Variants in AK9 observed in about 807,000 individuals in gnomAD.
The protein encoded by AK9 is adenylate kinase domain containing 1.
AK9 carries 191 observed loss-of-function variants against 239.6 expected under a neutral mutation model. The ratio of observed to expected loss-of-function variants is 0.80; its 90% CI spans 0.71 to 0.90. The LOEUF is 0.90. Ranked by LOEUF, AK9 falls within the 40% of genes least tolerant of loss-of-function variation. The pLI is 0.00. For synonymous variants in AK9, 689 were observed against 721.0 expected (o/e 0.96, Z 0.71); for missense variants, 1,995 against 2,214.7 (o/e 0.90, Z 1.99).
intron 8 of AK9, among the ~76,000 whole-genome samples, chr6:109,647,403 GA>G (rs1373467305): frequency 6.6e-6 from 1 of 152,072 alleles, no homozygotes; most frequent in Non-Finnish European, 1.5e-5. Context: ...GATCTACCAA[GA>G]AAATGGAAAA....
chr6:109,604,395 A>G (rs1461981233), intron 17 of AK9, among the ~76,000 whole-genome samples: 6 of 152,210 alleles, frequency 3.9e-5, no homozygotes, highest in Admixed American at 3.9e-4. Context: ...TATTTAATAT[A>G]TATGGAATTT....
chr6:109,608,582 T>C (rs1470322586), intron 17 of AK9, among the ~76,000 whole-genome samples: 4 of 152,184 alleles, frequency 2.6e-5, no homozygotes, highest in Non-Finnish European at 5.9e-5. Context: ...TAGTTTCAAA[T>C]GGACCTTAGA....
At chr6:109,672,888 T>G (rs182895975) in intron 3 of AK9, among the ~76,000 whole-genome samples, 1 of 152,276 alleles carries the variant, frequency 6.6e-6, no homozygotes, top group Admixed American at 6.5e-5. Flanking sequence ...TTCATAACCA[T>G]ACAATTACAT....
intron 17 of AK9, among the ~76,000 whole-genome samples, chr6:109,608,897 T>C (rs1793249816): frequency 6.6e-6 from 1 of 152,118 alleles, no homozygotes; most frequent in South Asian, 2.1e-4. Context: ...CAAAACAACA[T>C]GGGCATATGA....
At chr6:109,565,198 C>G (rs1208703525) in intron 21 of AK9, among the ~76,000 whole-genome samples, 1 of 152,122 alleles carries the variant, frequency 6.6e-6, no homozygotes, top group Non-Finnish European at 1.5e-5. Context: ...ACCCATGAAG[C>G]CAGGCATAGT....
At chr6:109,546,311 A>G (rs1450352280) in intron 25 of AK9, among the ~76,000 whole-genome samples, 184 bp from the exon 26 acceptor site, 1 of 152,234 alleles carries the variant, frequency 6.6e-6, no homozygotes, top group East Asian at 1.9e-4. Context: ...TAGTTCCATC[A>G]ACACTGGTCC....
chr6:109,685,860 T>C (rs773306259), intron 1 of AK9, among the ~76,000 whole-genome samples: 1 of 152,226 alleles, frequency 6.6e-6, no homozygotes, highest in Non-Finnish European at 1.5e-5. Flanking sequence ...TTAAAAGATG[T>C]ACAATCCTGC....
At chr6:109,603,033 C>G (rs879485090) in intron 17 of AK9, among the ~76,000 whole-genome samples, 10 of 152,148 alleles carry the variant, frequency 6.6e-5, no homozygotes, top group Non-Finnish European at 1.3e-4. Flanking sequence ...TCCTTTAGCT[C>G]AGAGAAGTTT....
chr6:109,598,409 T>C (rs1477205476), intron 17 of AK9, among the ~76,000 whole-genome samples: 1 of 152,236 alleles, frequency 6.6e-6, no homozygotes, highest in East Asian at 1.9e-4. Flanking sequence ...GAACTCATCA[T>C]TTTTTATGGC....
At chr6:109,559,784 C>A (rs1306425753) in intron 24 of AK9, among the ~76,000 whole-genome samples, 5 of 151,964 alleles carry the variant, frequency 3.3e-5, no homozygotes, top group African/African-American at 1.2e-4. Flanking sequence ...AACAAATTAC[C>A]ACAAATATAG....
intron 30 of AK9, 29 bp from the exon 31 acceptor site, chr6:109,516,104 T>C (rs936020196): frequency 1.2e-5 from 18 of 1,508,610 alleles, no homozygotes; most frequent in Admixed American, 9.9e-5. Context: ...AAAACAAATA[T>C]ATTTAGTGAG....
Position 109,495,366 on chromosome 6 carries a change from C to A in AK9, c.5390G>T (p.Ser1797Ile), listed in dbSNP as rs1776927797. Residue 1797 changes from serine (S) to isoleucine (I), a missense_variant, in exon 39 of 41, where the codon AGT (serine) becomes ATT (isoleucine). Coordinates refer to ENST00000424296, the MANE Select transcript of AK9 (RefSeq NM_001145128.3). ...PPLREPILLTSLPLPGYLEQG... is the reference protein window; with the variant it reads ...PPLREPILLTILPLPGYLEQG... ...TTCCAGATATCCAGGCAAAGGAAGACTAGTAAGAAGTATCGGTTCCCTTAA... is the reference window on the plus strand; with the variant it reads ...TTCCAGATATCCAGGCAAAGGAAGAATAGTAAGAAGTATCGGTTCCCTTAA... The A allele has an allele frequency of 6.2e-7, 1 of 1,613,512 alleles. No homozygotes were observed. The highest frequency in any genetic ancestry group is 8.5e-7 in the Non-Finnish European group (1 of 1,179,782).
chr6:109,587,421 T>C (rs532190984), intron 17 of AK9, among the ~76,000 whole-genome samples: 4 of 152,192 alleles, frequency 2.6e-5, no homozygotes, highest in African/African-American at 4.8e-5. Flanking sequence ...CATTGATATA[T>C]TGCACTGTGG....
At chr6:109,514,463 G>C in intron 31 of AK9, 26 bp from the exon 32 acceptor site, 1 of 1,486,272 alleles carries the variant, frequency 6.7e-7, no homozygotes. Flanking sequence ...AGTTGAATTT[G>C]AAAGTTAGTT....
intron 1 of AK9, among the ~76,000 whole-genome samples, chr6:109,682,336 A>G (rs1484305524): frequency 6.6e-6 from 1 of 150,514 alleles, no homozygotes; most frequent in Non-Finnish European, 1.5e-5. Context: ...CTGAGGCAGG[A>G]GAATGGCGTG....
At chr6:109,641,439 G>A in intron 10 of AK9, 79 bp downstream of exon 10, 1 of 1,127,678 alleles carries the variant, frequency 8.9e-7, no homozygotes, top group African/African-American at 1.6e-5. Flanking sequence ...CCTCCCATGG[G>A]ATTACAGGTG....
Position 109,670,798 on chromosome 6 carries a change from G to T in AK9, c.331+1121C>A, listed in dbSNP as rs140960701. Reference sequence around the variant, plus strand: ...ATTTGGAATTCTGTGATTCCTGTTTGCCTTTTTACTTATCCAGCCTTCCAT... The same window carrying T: ...ATTTGGAATTCTGTGATTCCTGTTTTCCTTTTTACTTATCCAGCCTTCCAT... On this transcript the variant is annotated intron_variant, in intron 5 of 40. Transcript: ENST00000424296. 8.5e-4 allele frequency among the ~76,000 whole-genome samples: 129 copies of T among 152,106 alleles called. 1 individual carries two copies. In the East Asian group the frequency reaches 0.023, roughly 27 times the overall value.
chr6:109,493,418 T>C lies in AK9; in HGVS notation c.5687A>G (p.Lys1896Arg), dbSNP rs770067275. Residue 1896 changes from lysine (K) to arginine (R), a missense_variant, in exon 41 of 41, where the codon AAG becomes AGG. By Grantham distance (26) the Lys-to-Arg change is conservative. Coordinates refer to ENST00000424296, the MANE Select transcript of AK9 (RefSeq NM_001145128.3). ...TCTGAGAGAGAGAAAGGTCTTTAACTTATGATCAAAGTCAATGGCTCTGAA... is the reference window on the plus strand; with the variant it reads ...TCTGAGAGAGAGAAAGGTCTTTAACCTATGATCAAAGTCAATGGCTCTGAA... ...PQFRAIDFDH[K>R]LKTFLSLRNI... 3 of 1,614,174 alleles carry C rather than the reference T, an allele frequency of 1.9e-6. No homozygotes were observed. The highest frequency in any genetic ancestry group is 2.5e-6 in the Non-Finnish European group (3 of 1,180,034).
Position 109,497,876 on chromosome 6 carries a change from C to A in AK9, c.5136G>T (p.Leu1712=). 6.2e-7 allele frequency: 1 copy of A among 1,614,022 alleles called. No individual in the cohort carries two copies. The highest frequency in any genetic ancestry group is 8.5e-7 in the Non-Finnish European group (1 of 1,179,946). Residue 1712 remains leucine (L), a synonymous_variant, in exon 37 of 41, where the codon CTG becomes CTT. Coordinates refer to ENST00000424296, the MANE Select transcript of AK9 (RefSeq NM_001145128.3). ...TAGGGAATCGACTCTTCAGCTCTGA[C>A]AGTGTCAGTCTTTTGGGGATCATGT... ...SADMIPKRLT[L]SELKSRFPKC...
Sources: gnomAD v4.1 joint callset for allele counts (sites outside exome capture counted in the v4.1 genomes callset) on GRCh38, gnomAD v4.1.1 for gene constraint, MANE v1.5 for transcripts, NCBI Gene and HGNC (gene_info 2026-07-23, HGNC 2026-07-21) for gene names.